The following ESR1 variants were observed in gnomAD, a reference collection of about 807,000 sequenced individuals.
ESR1 encodes estrogen receptor 1.
A neutral mutation model predicts 52.7 loss-of-function variants in ESR1; 12 were observed. That is an observed-to-expected ratio of 0.23 (90% CI 0.15 to 0.37). ESR1 has a LOEUF of 0.37. Among genes scored for constraint, ESR1 ranks in the 10% least tolerant of loss-of-function variants. The probability of loss-of-function intolerance (pLI) is 1.00; values close to 1 mark genes in which losing one functional copy is unlikely to be tolerated. For synonymous variants in ESR1, 305 were observed against 316.8 expected, an observed-to-expected ratio of 0.96 and a Z score of 0.39; for missense variants, 584 against 779.7, an observed-to-expected ratio of 0.75 and a Z score of 2.99.
chr6:152,064,659 G>T (rs1024311665), intron 6 of ESR1, among the ~76,000 whole-genome samples: 1 of 152,100 alleles, frequency 6.6e-6, no homozygotes, highest in African/African-American at 2.4e-5. Context: ...AGTTAACCTG[G>T]ATTTTTCTCT....
Position 151,794,890 on chromosome 6 carries a change from C to T in ESR1, c.-70-12953C>T, listed in dbSNP as rs553636442. On this transcript the variant is annotated intron_variant, in intron 2 of 2. Coordinates refer to the ESR1 transcript ENST00000404742. ...TGTCATTTTGGAATGATAGTAAGCA[C>T]GCCTTCAACAACAGCTCTTTATTTC... Among the ~76,000 whole-genome samples the T allele has an allele frequency of 1.1e-4, 17 of 152,212 alleles. No homozygotes were observed. In the South Asian group the frequency reaches 1.5e-3, roughly 13 times the overall value.
chr6:152,059,011 GA>G (rs2047332522), intron 5 of ESR1, among the ~76,000 whole-genome samples: 1 of 152,026 alleles, frequency 6.6e-6, no homozygotes, highest in Non-Finnish European at 1.5e-5. Flanking sequence ...TCAAAGAAAA[GA>G]ACGTCTGTGA....
intron 3 of ESR1, among the ~76,000 whole-genome samples, chr6:151,920,233 C>T (rs1199749790): frequency 6.6e-6 from 1 of 151,612 alleles, no homozygotes; most frequent in Admixed American, 6.6e-5. Context: ...ACTAGTCATT[C>T]CAAACAGTGA....
chr6:151,944,118 A>T lies in ESR1; in HGVS notation c.761-55A>T, dbSNP rs9340902. 501 of 1,521,818 alleles carry T rather than the reference A, an allele frequency of 3.3e-4. 1 individual carries two copies. Among genetic ancestry groups the T allele is most frequent in the Admixed American group, 2.5e-3 (143 of 57,582 alleles). The allele number at this position is 1,521,818 out of a possible 1,614,324, so 94.3% of individuals were successfully genotyped here. On this transcript the variant is annotated intron_variant, in intron 3 of 7. Coordinates refer to ENST00000206249, the MANE Select transcript of ESR1 (RefSeq NM_000125.4). ...GGTTAGCTTTGAAAATTTTTTGTAT[A>T]AAAGTTTACACGGGAAAAAAATAAA...
intron 6 of ESR1, chr6:152,112,866 C>G (rs773545046): frequency 6.6e-5 from 10 of 152,220 alleles, no homozygotes; most frequent in Non-Finnish European, 1.0e-4. Flanking sequence ...CGTGAAGTCC[C>G]TGTTCCCAAG....
chr6:152,109,771 C>T (rs1020130638), intron 6 of ESR1, among the ~76,000 whole-genome samples: 3 of 152,136 alleles, frequency 2.0e-5, no homozygotes, highest in Non-Finnish European at 2.9e-5. Context: ...AAAAGATGTT[C>T]GTTCAAGACA....
intron 3 of ESR1, among the ~76,000 whole-genome samples, chr6:151,915,847 TTCTCTCTCTC>T (rs10549103): frequency 6.7e-6 from 1 of 149,014 alleles, no homozygotes; most frequent in Non-Finnish European, 1.5e-5. Flanking sequence ...CTTTCTCTCT[TTCTCTCTCTC>T]TCTCTCTCTC....
intron 1 of ESR1, among the ~76,000 whole-genome samples, chr6:151,657,426 T>C (rs1777493095): frequency 6.6e-6 from 1 of 152,192 alleles, no homozygotes; most frequent in Admixed American, 6.5e-5. Context: ...ATTTCACAGT[T>C]GTTCACACTT....
intron 5 of ESR1, among the ~76,000 whole-genome samples, chr6:152,031,479 T>G (rs2044698099): frequency 1.3e-5 from 2 of 152,090 alleles, no homozygotes; most frequent in Non-Finnish European, 2.9e-5. Flanking sequence ...CCCACAGAAA[T>G]ACAAACTACC....
At chr6:151,986,097 C>A (rs772821400) in intron 4 of ESR1, among the ~76,000 whole-genome samples, 8 of 151,998 alleles carry the variant, frequency 5.3e-5, no homozygotes, top group Non-Finnish European at 8.8e-5. Flanking sequence ...TCTGGGTGAG[C>A]GGCTCAGTGC....
At chr6:151,924,570 G>C (rs1169368410) in intron 3 of ESR1, among the ~76,000 whole-genome samples, 1 of 151,938 alleles carries the variant, frequency 6.6e-6, no homozygotes, top group Non-Finnish European at 1.5e-5. Context: ...TCTTTTTCCT[G>C]ATCCTCTCCC....
At chr6:151,676,554 C>T (rs766236806) in intron 1 of ESR1, among the ~76,000 whole-genome samples, 56 of 152,164 alleles carry the variant, frequency 3.7e-4, no homozygotes, top group Non-Finnish European at 7.3e-4. Context: ...ACTTAATGGT[C>T]GGCTACGCTT....
intron 6 of ESR1, chr6:152,125,131 A>G: frequency 1.0e-6 from 1 of 952,684 alleles, no homozygotes; most frequent in Non-Finnish European, 1.5e-6. Flanking sequence ...TTCAGATTCT[A>G]CAGTTAAAGG....
At chr6:151,791,841 A>G (rs1372872846) in intron 2 of ESR1, among the ~76,000 whole-genome samples, 1 of 151,560 alleles carries the variant, frequency 6.6e-6, no homozygotes, top group Non-Finnish European at 1.5e-5. Flanking sequence ...GTAAAATGTC[A>G]AAAAAAACCT....
upstream of ESR1, chr6:151,807,380 C>T (rs1583379804): frequency 3.8e-5 from 8 of 209,904 alleles, no homozygotes; most frequent in East Asian, 8.9e-4. Context: ...TAGAGAAAGC[C>T]GGCCCCTGGA....
At chr6:151,675,740 C>G (rs1340623294) in intron 1 of ESR1, among the ~76,000 whole-genome samples, 2 of 152,180 alleles carry the variant, frequency 1.3e-5, no homozygotes, top group Non-Finnish European at 2.9e-5. Flanking sequence ...TGCTTGTTAG[C>G]ATAATTTGGC....
chr6:151,753,769 G>T (rs1170143523), intron 2 of ESR1, among the ~76,000 whole-genome samples: 4 of 152,138 alleles, frequency 2.6e-5, no homozygotes, highest in Admixed American at 2.6e-4. Flanking sequence ...TCCAGTTTCT[G>T]GTTTAACTGG....
Position 151,820,248 on chromosome 6 carries a change from G to A in ESR1, c.452+11884G>A, listed in dbSNP as rs190659456. Reference sequence around the variant, plus strand: ...GAGGAACTGAGTGGTACTCTTCAGAGCTCCAGCCCAGTTCCTTGGACAGAA... The same window carrying A: ...GAGGAACTGAGTGGTACTCTTCAGAACTCCAGCCCAGTTCCTTGGACAGAA... On this transcript the variant is annotated intron_variant, in intron 1 of 7. Transcript: ENST00000206249. 9.2e-4 allele frequency among the ~76,000 whole-genome samples: 140 copies of A among 152,324 alleles called. 1 individual carries two copies. The South Asian group carries it at 0.014, about 16-fold the overall frequency.
At chr6:152,048,029 C>T (rs917564418) in intron 5 of ESR1, among the ~76,000 whole-genome samples, 22 of 142,684 alleles carry the variant, frequency 1.5e-4, no homozygotes, top group Non-Finnish European at 2.6e-4. Context: ...GCACACTCTT[C>T]CCAACTTTTT....
Sources: allele counts gnomAD v4.1 joint callset (sites outside exome capture counted in the v4.1 genomes callset), GRCh38; gene constraint gnomAD v4.1.1; transcripts MANE v1.5; gene names NCBI Gene and HGNC (gene_info 2026-07-23, HGNC 2026-07-21).